The following TBC1D2B variants were observed in gnomAD, a reference collection of about 807,000 sequenced individuals.
TBC1D2B encodes the protein TBC1 domain family, member 2B.
In TBC1D2B, 64 loss-of-function variants were observed where a neutral mutation model predicts 100.8. The ratio of observed to expected loss-of-function variants is 0.64; its 90% CI spans 0.52 to 0.78. The LOEUF (loss-of-function observed/expected upper bound fraction) is 0.78. TBC1D2B is among the 30% of genes least tolerant of loss of function. The pLI is 0.00. For missense variants in TBC1D2B, 1,052 were observed against 1,218.4 expected (o/e 0.86, Z 2.03); for synonymous variants, 480 against 479.7 (o/e 1.00, Z -0.01).
chr15:78,047,163 C>CT (rs540479850), intron 2 of TBC1D2B, among the ~76,000 whole-genome samples: 2,466 of 136,886 alleles, frequency 0.018, 22 homozygotes, highest in Non-Finnish European at 0.025. Context: ...AGAGTATACA[C>CT]TTTTTTTTTT....
intron 8 of TBC1D2B, among the ~76,000 whole-genome samples, chr15:78,014,275 CTA>C (rs1370622972): frequency 2.0e-5 from 3 of 152,196 alleles, no homozygotes; most frequent in Admixed American, 6.5e-5. Context: ...TTTTAAGCCA[CTA>C]TGTTTATGAT....
intron 1 of TBC1D2B, among the ~76,000 whole-genome samples, chr15:78,074,321 C>G (rs1043851291): frequency 6.6e-6 from 1 of 152,142 alleles, no homozygotes; most frequent in Non-Finnish European, 1.5e-5. Context: ...CCACGCCCGG[C>G]CTTCTCCTCC....
intron 11 of TBC1D2B, among the ~76,000 whole-genome samples, chr15:78,002,291 T>C (rs1165006012): frequency 1.3e-5 from 2 of 152,236 alleles, no homozygotes; most frequent in East Asian, 3.9e-4. Flanking sequence ...TTCAAGTGAT[T>C]CTCCTGCCTC....
chr15:77,999,410 G>A (rs576126424), intron 12 of TBC1D2B: 12 of 400,728 alleles, frequency 3.0e-5, no homozygotes, highest in Non-Finnish European at 5.2e-5. Context: ...CTTAACTCTC[G>A]TCCAGAGGCT....
chr15:78,003,133 C>T, intron 11 of TBC1D2B, 172 bp downstream of exon 11: 1 of 582,278 alleles, frequency 1.7e-6, no homozygotes, highest in Admixed American at 2.9e-5. Flanking sequence ...GAACAAATGA[C>T]TGTGGTTTCC....
At chr15:78,040,882 G>GAAA (rs1471917186) in intron 3 of TBC1D2B, among the ~76,000 whole-genome samples, 1 of 130,070 alleles carries the variant, frequency 7.7e-6, no homozygotes, top group Admixed American at 7.8e-5. Flanking sequence ...AAGAAAGAAA[G>GAAA]AGAGAGAGAG....
chr15:78,044,809 GAT>G (rs2141771439), intron 3 of TBC1D2B, 89 bp downstream of exon 3: 1 of 1,217,588 alleles, frequency 8.2e-7, no homozygotes, highest in Admixed American at 2.7e-5. Flanking sequence ...GTAAGTGTAA[GAT>G]AGTTTTATAA....
chr15:78,015,057 C>T (rs1211887968), intron 8 of TBC1D2B, among the ~76,000 whole-genome samples: 2 of 151,968 alleles, frequency 1.3e-5, no homozygotes, highest in Non-Finnish European at 1.5e-5. Flanking sequence ...AAAAATTAGC[C>T]GGGCGTGGTG....
chr15:78,002,169 G>A (rs141474996), intron 11 of TBC1D2B, among the ~76,000 whole-genome samples: 27 of 152,216 alleles, frequency 1.8e-4, no homozygotes, highest in African/African-American at 5.3e-4. Context: ...TGAAGATAGC[G>A]AAGGAGTTTT....
At chr15:77,999,420 T>C in intron 12 of TBC1D2B, 1 of 378,798 alleles carries the variant, frequency 2.6e-6, no homozygotes, top group Non-Finnish European at 5.4e-6. Context: ...GTCCAGAGGC[T>C]TAAGGTCAGA....
chr15:78,047,253 A>T (rs1457191212), intron 2 of TBC1D2B, among the ~76,000 whole-genome samples: 1 of 149,426 alleles, frequency 6.7e-6, no homozygotes, highest in Non-Finnish European at 1.5e-5. Flanking sequence ...CAGCCTCTTG[A>T]GTCAAGAGGC....
At chr15:78,035,717 A>G (rs2141735702) in intron 3 of TBC1D2B, among the ~76,000 whole-genome samples, 1 of 152,292 alleles carries the variant, frequency 6.6e-6, no homozygotes, top group African/African-American at 2.4e-5. Flanking sequence ...GGGCACAGAG[A>G]CGTATGTACA....
chr15:78,077,406 C>G lies in TBC1D2B; in HGVS notation c.247G>C (p.Asp83His). The change falls in exon 1 of 13, where the codon GAC (aspartate) becomes CAC (histidine). Residue 83 changes from aspartate (D) to histidine (H), a missense_variant. Asp to His is a moderately conservative substitution (Grantham distance 81, BLOSUM62 -1). Transcript: ENST00000300584. ...PQDALPLGHL[D>H]IADACFSYQG... ...TAGCTGAAGCAGGCGTCCGCGATGT[C>G]CAAGTGGCCGAGGGGCAGCGCGTCC... is the stretch of plus-strand genomic sequence containing the variant. 6.5e-7 allele frequency: 1 copy of G among 1,546,418 alleles called. No homozygotes were observed. The highest frequency in any genetic ancestry group is 8.7e-7 in the Non-Finnish European group (1 of 1,145,458).
chr15:78,076,297 G>A (rs920758894), intron 1 of TBC1D2B, among the ~76,000 whole-genome samples: 4 of 152,154 alleles, frequency 2.6e-5, no homozygotes, highest in Admixed American at 1.3e-4. Flanking sequence ...ATAACTGGCT[G>A]AAAAGACCCC....
At chr15:78,016,971 T>C (rs2072393246) in intron 7 of TBC1D2B, 3 of 454,532 alleles carry the variant, frequency 6.6e-6, no homozygotes, top group Non-Finnish European at 1.2e-5. Context: ...ATCAGACCTC[T>C]GGATGCCAAC....
intron 6 of TBC1D2B, among the ~76,000 whole-genome samples, chr15:78,019,471 C>G (rs2072458244): frequency 6.6e-6 from 1 of 152,176 alleles, no homozygotes; most frequent in Non-Finnish European, 1.5e-5. Flanking sequence ...GCATCATACT[C>G]AGCCTGAGCA....
chr15:78,077,258 A>C, intron 1 of TBC1D2B, 35 bp downstream of exon 1: 1 of 1,404,292 alleles, frequency 7.1e-7, no homozygotes, highest in Non-Finnish European at 9.2e-7. Context: ...ACGCCGGCGG[A>C]AGCGCGCGGG....
intron 9 of TBC1D2B, 99 bp downstream of exon 9, chr15:78,012,724 C>T (rs2072262367): frequency 2.3e-6 from 3 of 1,305,460 alleles, no homozygotes; most frequent in Non-Finnish European, 3.0e-6. Flanking sequence ...AAAATATTGA[C>T]TTTTCTTGGC....
intron 1 of TBC1D2B, among the ~76,000 whole-genome samples, chr15:78,062,269 C>G (rs2073563065): frequency 1.3e-5 from 2 of 152,118 alleles, no homozygotes; most frequent in South Asian, 4.1e-4. Flanking sequence ...GAAAGCAAAG[C>G]AAAGAAAATA....
Sources: gnomAD v4.1 joint callset for allele counts (sites outside exome capture counted in the v4.1 genomes callset) on GRCh38, gnomAD v4.1.1 for gene constraint, MANE v1.5 for transcripts, NCBI Gene and HGNC (gene_info 2026-07-23, HGNC 2026-07-21) for gene names.